Variants in SYT1 observed in about 807,000 individuals in gnomAD.
The protein encoded by SYT1 is synaptotagmin-1.
A neutral mutation model predicts 44.8 loss-of-function variants in SYT1; 8 were observed. That is an observed-to-expected ratio of 0.18 (90% CI 0.10 to 0.32). The LOEUF is 0.32. Among genes scored for constraint, SYT1 ranks in the 10% least tolerant of loss-of-function variants. The pLI is 1.00. For synonymous variants in SYT1, 154 were observed against 188.8 expected, an observed-to-expected ratio of 0.82 and a Z score of 1.51; for missense variants, 286 against 509.3, an observed-to-expected ratio of 0.56 and a Z score of 4.22.
At chr12:79,362,132 T>A (rs1883341224) in intron 9 of SYT1, among the ~76,000 whole-genome samples, 1 of 152,222 alleles carries the variant, frequency 6.6e-6, no homozygotes, top group South Asian at 2.1e-4. Flanking sequence ...CAAAGAGGTC[T>A]GTTCTAAGGC....
At position 79,234,716 on chromosome 12, in the gene SYT1, T is replaced by C. The variant is rs576179359; in HGVS notation, c.166+17031T>C. On this transcript the variant is annotated intron_variant, in intron 4 of 10. Coordinates refer to ENST00000261205, the MANE Select transcript of SYT1 (RefSeq NM_005639.3). ...TCTTTCTTTCTTTCTTTCTTTCTTT[T>C]TTTTTTTTTTTTTGAGATGAAGTCT... Among the ~76,000 whole-genome samples, 73 of 147,780 alleles carry C rather than the reference T, an allele frequency of 4.9e-4. No individual in the cohort carries two copies. In the East Asian group the frequency reaches 0.011, roughly 21 times the overall value.
At chr12:79,145,319 A>T in intron 3 of SYT1, among the ~76,000 whole-genome samples, 1 of 152,126 alleles carries the variant, frequency 6.6e-6, no homozygotes, top group East Asian at 1.9e-4. Flanking sequence ...GAATATTAAC[A>T]TTTTTAAAAA....
At chr12:79,325,347 A>C (rs751838759) in intron 8 of SYT1, among the ~76,000 whole-genome samples, 3 of 152,166 alleles carry the variant, frequency 2.0e-5, no homozygotes, top group Non-Finnish European at 4.4e-5. Flanking sequence ...GGAAAAAGCT[A>C]TGTTATGGCT....
intron 4 of SYT1, among the ~76,000 whole-genome samples, chr12:79,265,981 C>T (rs548581892): frequency 1.8e-4 from 28 of 152,242 alleles, no homozygotes; most frequent in Admixed American, 4.6e-4. Context: ...GAGTAATGAA[C>T]ACGTGCATAC....
At chr12:79,390,767 C>T (rs188819095) in intron 9 of SYT1, among the ~76,000 whole-genome samples, 82 of 152,308 alleles carry the variant, frequency 5.4e-4, no homozygotes, top group African/African-American at 1.6e-3. Flanking sequence ...TTTCCTTTCT[C>T]ATCTAGCATT....
intron 9 of SYT1, among the ~76,000 whole-genome samples, chr12:79,437,017 GCTTTAGATGAGGAAAGAGAGAAAGGGC>G (rs1394477300): frequency 9.2e-5 from 14 of 152,120 alleles, no homozygotes; most frequent in African/African-American, 3.1e-4. Context: ...TTTAAACTAA[GCTTTAGATGAGGAAAGAGAGAAAGGGC>G]CTTTCAGGGT....
intron 8 of SYT1, among the ~76,000 whole-genome samples, chr12:79,307,882 G>T (rs955339134): frequency 1.4e-4 from 21 of 152,184 alleles, no homozygotes; most frequent in African/African-American, 4.8e-4. Flanking sequence ...TGATTACCTG[G>T]TCGGTGAAGA....
Position 79,213,542 on chromosome 12 carries a change from G to A in SYT1, c.-17-3961G>A, listed in dbSNP as rs531069933. 4.5e-4 allele frequency among the ~76,000 whole-genome samples: 69 copies of A among 152,284 alleles called. 1 individual carries two copies. In the South Asian group the frequency reaches 0.011, roughly 25 times the overall value. On this transcript the variant is annotated intron_variant, in intron 3 of 10. Coordinates refer to ENST00000261205, the MANE Select transcript of SYT1 (RefSeq NM_005639.3). ...CTTTAATATGTGTAAACCACTTAGC[G>A]GGTGCTCAATAACTGTTAGCTTATT... is the stretch of plus-strand genomic sequence containing the variant.
In SYT1 at chr12:79,055,748, T is replaced by C. The variant is rs866698081; in HGVS notation, c.-18+8386T>C. Among the ~76,000 whole-genome samples, 21 of 152,164 alleles carry C rather than the reference T, an allele frequency of 1.4e-4. 1 individual carries two copies. Among genetic ancestry groups the C allele is most frequent in the African/African-American group, 5.1e-4 (21 of 41,564 alleles). On this transcript the variant is annotated intron_variant, in intron 3 of 10. Coordinates refer to ENST00000261205, the MANE Select transcript of SYT1 (RefSeq NM_005639.3). Reference sequence around the variant, plus strand: ...CTGCTTATTACAGAAATTAATATAGTAACATAAGTAAAAATTATTGTTGTT... The same window carrying C: ...CTGCTTATTACAGAAATTAATATAGCAACATAAGTAAAAATTATTGTTGTT...
chr12:78,955,207 T>C (rs563412741), intron 1 of SYT1, among the ~76,000 whole-genome samples: 8 of 152,306 alleles, frequency 5.3e-5, no homozygotes, highest in Middle Eastern at 3.4e-3. Flanking sequence ...CAACATGTTA[T>C]ATTCAGGTGA....
intron 4 of SYT1, among the ~76,000 whole-genome samples, chr12:79,281,132 C>T (rs1374522912): frequency 3.3e-5 from 5 of 152,024 alleles, no homozygotes; most frequent in African/African-American, 1.2e-4. Context: ...CCATTTGATC[C>T]AGCAATCCCA....
chr12:78,894,343 T>G (rs1177578693), intron 1 of SYT1, among the ~76,000 whole-genome samples: 1 of 116,166 alleles, frequency 8.6e-6, no homozygotes, highest in Non-Finnish European at 1.8e-5. Context: ...TTTTTTTTTT[T>G]TTTTTTTTTT....
intron 9 of SYT1, among the ~76,000 whole-genome samples, chr12:79,363,943 C>T (rs1306482878): frequency 6.6e-6 from 1 of 152,052 alleles, no homozygotes; most frequent in Non-Finnish European, 1.5e-5. Context: ...TTCTCAGAGC[C>T]CCTAGCATAT....
chr12:79,302,525 A>T (rs1880197630), intron 8 of SYT1, among the ~76,000 whole-genome samples: 1 of 152,158 alleles, frequency 6.6e-6, no homozygotes, highest in South Asian at 2.1e-4. Flanking sequence ...AGGAACATGG[A>T]TAGTGTAAGA....
intron 3 of SYT1, among the ~76,000 whole-genome samples, chr12:79,077,246 GC>G (rs1398841902): frequency 6.6e-6 from 1 of 152,042 alleles, no homozygotes; most frequent in African/African-American, 2.4e-5. Context: ...CCAGAAATGG[GC>G]TACTTTGCCC....
chr12:79,067,938 A>G (rs1464274043), intron 3 of SYT1, among the ~76,000 whole-genome samples: 1 of 152,212 alleles, frequency 6.6e-6, no homozygotes, highest in Non-Finnish European at 1.5e-5. Flanking sequence ...GGTTGAATAT[A>G]ATCATTTGGC....
At chr12:79,397,355 G>A (rs990754437) in intron 9 of SYT1, among the ~76,000 whole-genome samples, 1 of 152,042 alleles carries the variant, frequency 6.6e-6, no homozygotes, top group Non-Finnish European at 1.5e-5. Context: ...TCAGCCTTCC[G>A]AATAGCTGGG....
chr12:79,204,652 T>C (rs2138509378), intron 3 of SYT1, among the ~76,000 whole-genome samples: 1 of 152,238 alleles, frequency 6.6e-6, no homozygotes, highest in East Asian at 1.9e-4. Flanking sequence ...ATGAGTACAG[T>C]CACTAAAAAA....
intron 1 of SYT1, among the ~76,000 whole-genome samples, chr12:78,915,615 A>G (rs1188774200): frequency 2.0e-5 from 3 of 152,032 alleles, no homozygotes; most frequent in Non-Finnish European, 4.4e-5. Flanking sequence ...CTATAGATGT[A>G]TTGAATGGTT....
Sources: allele counts gnomAD v4.1 joint callset (sites outside exome capture counted in the v4.1 genomes callset), GRCh38; gene constraint gnomAD v4.1.1; transcripts MANE v1.5; gene names NCBI Gene and HGNC (gene_info 2026-07-23, HGNC 2026-07-21).